The following CPNE7 variants were observed in gnomAD, a reference collection of about 807,000 sequenced individuals.
CPNE7 encodes the protein copine 7, also known as copine-7.
CPNE7 carries 78 observed loss-of-function variants against 66.5 expected under a neutral mutation model. That is an observed-to-expected ratio of 1.17 (90% CI 0.98 to 1.42). The LOEUF is 1.42. Ranked by LOEUF, CPNE7 falls within the 40% of genes most tolerant of loss-of-function variation. CPNE7 has a pLI of 0.00. For missense variants in CPNE7, 1,012 were observed against 776.6 expected, an observed-to-expected ratio of 1.30 and a Z score of -3.60; for synonymous variants, 468 against 336.7, an observed-to-expected ratio of 1.39 and a Z score of -4.27.
rs773160260 is a variant in CPNE7 at position 89,595,379 on chromosome 16, C to T, written c.1315C>T (p.Leu439=). ...STGKASQYYI[L]LILTDGVVTD... Reference sequence around the variant, plus strand: ...CCTGTGCCCCCAGCAATACTACATCCTGCTGATCCTGACGGACGGCGTGGT... The same window carrying T: ...CCTGTGCCCCCAGCAATACTACATCTTGCTGATCCTGACGGACGGCGTGGT... The change falls in exon 14 of 15, where the codon CTG becomes TTG. Residue 439 remains leucine (L), a synonymous_variant. Transcript: ENST00000319518. The T allele has an allele frequency of 1.9e-6, 3 of 1,576,950 alleles. No homozygotes were observed. The highest frequency in any genetic ancestry group is 2.6e-6 in the Non-Finnish European group (3 of 1,157,448).
intron 13 of CPNE7, among the ~76,000 whole-genome samples, chr16:89,592,223 C>T (rs560756885): frequency 0.013 from 1,903 of 148,780 alleles, 59 homozygotes; most frequent in African/African-American, 0.045. Flanking sequence ...ACCGTGTTAG[C>T]GAGGATGGTC....
rs1006829350 is a variant in CPNE7 at position 89,583,090 on chromosome 16, A to C, written c.358-607A>C. On this transcript the variant is annotated intron_variant, in intron 2 of 14. Coordinates refer to ENST00000319518, the MANE Select transcript of CPNE7 (RefSeq NM_153636.3). ...CCAGCAGGGCCTGGTGAGGAGGAGG[A>C]GGCCCCGGCTGCATGAGGAGGTCCC... is the stretch of plus-strand genomic sequence containing the variant. 7.9e-5 allele frequency among the ~76,000 whole-genome samples: 12 copies of C among 152,290 alleles called. 1 individual carries two copies. Among genetic ancestry groups the C allele is most frequent in the Admixed American group, 3.9e-4 (6 of 15,308 alleles).
intron 2 of CPNE7, among the ~76,000 whole-genome samples, chr16:89,581,725 G>A (rs2058961931): frequency 2.0e-5 from 3 of 152,182 alleles, no homozygotes; most frequent in African/African-American, 4.8e-5. Flanking sequence ...GCTCACTGCA[G>A]CCTCAACGGC....
intron 3 of CPNE7, 58 bp downstream of exon 3, chr16:89,583,829 T>C (rs1597700200): frequency 4.4e-6 from 7 of 1,585,758 alleles, no homozygotes; most frequent in Admixed American, 1.7e-5. Context: ...CTCCGAGGGG[T>C]GTTGTGGGCG....
chr16:89,589,296 A>C (rs907909694), intron 10 of CPNE7, among the ~76,000 whole-genome samples: 7 of 152,166 alleles, frequency 4.6e-5, no homozygotes, highest in African/African-American at 1.7e-4. Flanking sequence ...CGTCTCAAAA[A>C]AAAGAGACTC....
At chr16:89,578,851 C>T in intron 2 of CPNE7, 2 of 1,610,142 alleles carry the variant, frequency 1.2e-6, no homozygotes, top group Non-Finnish European at 1.7e-6. Flanking sequence ...GTTACGGCCT[C>T]CACAGCCAGC....
chr16:89,586,768 C>T lies in CPNE7; in HGVS notation c.867+12C>T, dbSNP rs183696376. On this transcript the variant is annotated intron_variant, in intron 8 of 14. Transcript: ENST00000319518. ...TGGCTGACCTCAAGGTGAGAGGTGG[C>T]TGTGCCCGAAGCCTCCCCACCCACA... is the stretch of plus-strand genomic sequence containing the variant. The T allele has an allele frequency of 6.9e-4, 1,104 of 1,608,678 alleles. 7 individuals carry two copies. In the African/African-American group the frequency reaches 0.013, roughly 19 times the overall value.
intron 3 of CPNE7, 43 bp from the exon 4 acceptor site, chr16:89,583,976 TGGGGTCAGG>T: frequency 6.3e-7 from 1 of 1,591,412 alleles, no homozygotes; most frequent in Non-Finnish European, 8.6e-7. Context: ...TCCCCCACGG[TGGGGTCAGG>T]CCCCACCTGG....
intron 9 of CPNE7, chr16:89,587,653 C>CCCATAGATACGCACA: frequency 4.5e-6 from 2 of 442,840 alleles, no homozygotes; most frequent in South Asian, 1.6e-5. Context: ...CCCCGTGTCA[C>CCCATAGATACGCACA]CCCCATGTCA....
At chr16:89,588,648 C>A in intron 9 of CPNE7, 27 bp from the exon 10 acceptor site, 1 of 1,612,410 alleles carries the variant, frequency 6.2e-7, no homozygotes, top group South Asian at 1.1e-5. Flanking sequence ...CGGCCCAGCA[C>A]AGCTCCTGGC....
At chr16:89,588,616 C>T in intron 9 of CPNE7, 59 bp from the exon 10 acceptor site, 1 of 1,604,744 alleles carries the variant, frequency 6.2e-7, no homozygotes, top group Non-Finnish European at 8.5e-7. Flanking sequence ...CTCTACCTGT[C>T]AGGAGCGGGT....
In CPNE7 at chr16:89,584,096, C is replaced by A; in HGVS notation, c.501C>A (p.Asp167Glu). 6.2e-7 allele frequency: 1 copy of A among 1,611,226 alleles called. No homozygotes were observed. Among genetic ancestry groups the A allele is most frequent in the Non-Finnish European group, 8.5e-7 (1 of 1,179,226 alleles). ...TCTCCTTCCGGGCCAGGAAGCTGGA[C>A]GACAAGGTGAGTGCAGGTGCCGGGC... ...VELSFRARKL[D>E]DKDLFSKSDP... The change falls in exon 4 of 15, where the codon GAC becomes GAA. Residue 167 changes from aspartate to glutamate, a missense_variant. Coordinates refer to ENST00000319518, the MANE Select transcript of CPNE7 (RefSeq NM_153636.3). The surrounding 1 kb of genome is among the most constrained non-coding windows in gnomAD (Gnocchi z 6.0).
chr16:89,579,135 A>G (rs1051615689), intron 2 of CPNE7: 4 of 560,234 alleles, frequency 7.1e-6, no homozygotes, highest in Non-Finnish European at 1.2e-5. Flanking sequence ...CTAAAAATAG[A>G]AAAGAAATTA....
At chr16:89,587,741 AC>A in intron 9 of CPNE7, 1 of 131,942 alleles carries the variant, frequency 7.6e-6, no homozygotes, top group African/African-American at 4.9e-5. Context: ...CCACAGATAC[AC>A]GGCCCCCGTG....
chr16:89,579,479 C>T lies in CPNE7; in HGVS notation c.357+1758C>T, dbSNP rs186471301. On this transcript the variant is annotated intron_variant, in intron 2 of 14. Coordinates refer to ENST00000319518, the MANE Select transcript of CPNE7 (RefSeq NM_153636.3). ...CATCCTGTCACCTGCTGACACGGAA[C>T]ATCCGATCACCCGTCACACGGAACA... Among the ~76,000 whole-genome samples, 4 of 151,926 alleles carry T rather than the reference C, an allele frequency of 2.6e-5. No homozygotes were observed. In the East Asian group the frequency reaches 7.8e-4, roughly 30 times the overall value.
intron 8 of CPNE7, 55 bp from the exon 9 acceptor site, chr16:89,586,987 TG>T: frequency 6.6e-7 from 1 of 1,514,944 alleles, no homozygotes; most frequent in Non-Finnish European, 9.0e-7. Context: ...GGATCCCAGC[TG>T]GCACTGGCCT....
In CPNE7 at chr16:89,595,656, G is replaced by T. The variant is rs550039842; in HGVS notation, c.1539+53G>T. ...GGCCGGCTTGGGGGTCCCTGTTCAT[G>T]TCACTGCCCAAGACCTTCCCAGGCC... On this transcript the variant is annotated intron_variant, in intron 14 of 14. Coordinates refer to ENST00000319518, the MANE Select transcript of CPNE7 (RefSeq NM_153636.3). 4.0e-6 allele frequency: 6 copies of T among 1,490,218 alleles called. No individual in the cohort carries two copies. The African/African-American group carries it at 6.9e-5, about 17-fold the overall frequency. 92.3% of individuals were successfully genotyped at this position (1,490,218 alleles called of 1,614,324 possible). A position where few individuals can be genotyped will look rare whatever the true frequency, so the allele number is the denominator to read the frequency against.
intron 8 of CPNE7, 60 bp from the exon 9 acceptor site, chr16:89,586,983 C>T (rs1255194008): frequency 3.3e-6 from 5 of 1,513,560 alleles, no homozygotes; most frequent in Non-Finnish European, 4.5e-6. Flanking sequence ...GCCTGGATCC[C>T]AGCTGGCACT....
intron 13 of CPNE7, 100 bp downstream of exon 13, chr16:89,591,360 G>A (rs2059166420): frequency 7.0e-7 from 1 of 1,424,990 alleles, no homozygotes; most frequent in Non-Finnish European, 9.2e-7. Context: ...GGAACAGCCA[G>A]CGCAGAGGCC....
Sources: allele counts gnomAD v4.1 joint callset (sites outside exome capture counted in the v4.1 genomes callset), GRCh38; gene constraint gnomAD v4.1.1; non-coding constraint Gnocchi (gnomAD v3.1); transcripts MANE v1.5; gene names NCBI Gene and HGNC (gene_info 2026-07-23, HGNC 2026-07-21).